The following ATG16L1 variants were observed in gnomAD, a reference collection of about 807,000 sequenced individuals.
The protein encoded by ATG16L1 is autophagy related 16 like 1.
A neutral mutation model predicts 88.5 loss-of-function variants in ATG16L1; 37 were observed. That is an observed-to-expected ratio of 0.42 (90% CI 0.32 to 0.55). The LOEUF (loss-of-function observed/expected upper bound fraction) is 0.55, where lower values mean the gene tolerates loss of function less well. ATG16L1 is among the 20% of genes least tolerant of loss of function. The probability of loss-of-function intolerance (pLI) is 0.13; values close to 1 mark genes in which losing one functional copy is unlikely to be tolerated. For missense variants in ATG16L1, 554 were observed against 752.8 expected, an observed-to-expected ratio of 0.74 and a Z score of 3.09; for synonymous variants, 301 against 281.0, an observed-to-expected ratio of 1.07 and a Z score of -0.71.
rs548817522 is a variant in ATG16L1, at chr2:233,281,111, G to A, written c.1067G>A (p.Cys356Tyr). The A allele has an allele frequency of 3.1e-6, 5 of 1,594,214 alleles. No homozygotes were observed. Among genetic ancestry groups the A allele is most frequent in the African/African-American group, 2.7e-5 (2 of 73,844 alleles). ...VKLWEVFGEK[C>Y]EFKGSLSGSN... is the part of the protein sequence containing the mutation. ...ATTTTTTCTTTTTATACAGAAAAAT[G>A]TGAGTTCAAGGGTTCCCTATCTGGC... The change falls in exon 11 of 18, where the codon TGT becomes TAT. Residue 356 changes from cysteine (C) to tyrosine (Y), a missense_variant. By Grantham distance (194) the Cys-to-Tyr change is radical. This residue lies in a region of ATG16L1 where 370 missense variants were observed against 509.7 expected (regional missense o/e 0.73). Coordinates refer to ENST00000392017, the MANE Select transcript of ATG16L1 (RefSeq NM_030803.7).
intron 12 of ATG16L1, among the ~76,000 whole-genome samples, chr2:233,286,877 G>A (rs139896963): frequency 0.012 from 1,891 of 151,754 alleles, 16 homozygotes; most frequent in East Asian, 0.027. Flanking sequence ...CGCTCACCTC[G>A]GCCTCCCAAA....
intron 12 of ATG16L1, among the ~76,000 whole-genome samples, chr2:233,284,295 C>T (rs1399718409): frequency 1.3e-5 from 2 of 151,758 alleles, no homozygotes; most frequent in African/African-American, 2.4e-5. Flanking sequence ...TTACATGCAT[C>T]CTCCACCACG....
At chr2:233,275,127 G>T (rs192436841) in intron 9 of ATG16L1, among the ~76,000 whole-genome samples, 51 of 152,278 alleles carry the variant, frequency 3.3e-4, no homozygotes, top group African/African-American at 9.9e-4. Context: ...CCAGTCAGTG[G>T]TGTATTATGG....
At position 233,294,642 on chromosome 2, in the gene ATG16L1, G is replaced by T. The variant is rs1471347668; in HGVS notation, c.*292G>T. On this transcript the variant is annotated 3_prime_UTR_variant, in exon 18 of 18. Coordinates refer to ENST00000392017, the MANE Select transcript of ATG16L1 (RefSeq NM_030803.7). ...GCTCTGACCTTCCATACCTCACTTG[G>T]GGGAGCACAGGGCCCCGCTGGGCCT... The T allele has an allele frequency of 4.1e-6, 1 of 242,496 alleles. No homozygotes were observed. The highest frequency in any genetic ancestry group is 9.5e-5 in the South Asian group (1 of 10,540). The allele number at this position is 242,496 out of a possible 1,614,324, so 15.0% of individuals were successfully genotyped here. A position where few individuals can be genotyped will look rare whatever the true frequency, so the allele number is the denominator to read the frequency against.
At chr2:233,289,079 C>G (rs1574902715) in intron 12 of ATG16L1, 3 of 353,980 alleles carry the variant, frequency 8.5e-6, no homozygotes, top group East Asian at 6.6e-5. Context: ...GGCGCAACAT[C>G]GAGGCTTTAA....
At chr2:233,263,431 G>T (rs1178135785) in intron 3 of ATG16L1, among the ~76,000 whole-genome samples, 196 bp downstream of exon 3, 1 of 152,148 alleles carries the variant, frequency 6.6e-6, no homozygotes, top group Non-Finnish European at 1.5e-5. Flanking sequence ...ATCACCAGAA[G>T]GGCAATCCTG....
At chr2:233,282,643 T>G in intron 11 of ATG16L1, 39 bp from the exon 12 acceptor site, 3 of 1,560,688 alleles carry the variant, frequency 1.9e-6, no homozygotes, top group Non-Finnish European at 2.7e-6. Context: ...TTCCTCTGAT[T>G]TGGCTAAAAA....
Position 233,273,050 on chromosome 2 carries a change from C to G in ATG16L1, c.792C>G (p.Ala264=), listed in dbSNP as rs775841675. Residue 264 remains alanine, a splice_region_variant and synonymous_variant, in exon 7 of 18, where the codon GCC becomes GCG. Coordinates refer to ENST00000392017, the MANE Select transcript of ATG16L1 (RefSeq NM_030803.7). ...CTGTGCGAGCCATCAGCAGAGCAGCCACGTAAGTAGGCAGGTTTGGGCCAG... is the reference window on the plus strand; with the variant it reads ...CTGTGCGAGCCATCAGCAGAGCAGCGACGTAAGTAGGCAGGTTTGGGCCAG... ...TSPVRAISRA[A]TKRLSQPAGG... is the part of the protein sequence containing the mutation. The G allele has an allele frequency of 6.8e-6, 11 of 1,613,800 alleles. No individual in the cohort carries two copies. The South Asian group carries it at 1.2e-4, about 18-fold the overall frequency.
At chr2:233,291,020 T>TAAGGAC (rs771622257) in intron 14 of ATG16L1, among the ~76,000 whole-genome samples, 144 of 152,276 alleles carry the variant, frequency 9.5e-4, no homozygotes, top group Non-Finnish European at 1.1e-3. Flanking sequence ...ATAGAGTTGA[T>TAAGGAC]AAGGACCTAA....
At chr2:233,289,408 T>TGTGTGTGTGTGTGTGTGTGTGAGAGAGA (rs144316394) in intron 12 of ATG16L1, among the ~76,000 whole-genome samples, 252 of 149,632 alleles carry the variant, frequency 1.7e-3, no homozygotes, top group Non-Finnish European at 2.2e-3. Flanking sequence ...TGTGTGTGTG[T>TGTGTGTGTGTGTGTGTGTGTGAGAGAGA]GACAGGATCT....
chr2:233,288,889 G>A (rs755620458), intron 12 of ATG16L1: 3 of 519,272 alleles, frequency 5.8e-6, no homozygotes, highest in Non-Finnish European at 1.2e-5. Flanking sequence ...GGATTTGATT[G>A]TTGGGAGTGC....
At chr2:233,278,930 T>A (rs1375058637) in intron 10 of ATG16L1, among the ~76,000 whole-genome samples, 1 of 152,208 alleles carries the variant, frequency 6.6e-6, no homozygotes, top group African/African-American at 2.4e-5. Flanking sequence ...AAATTTTCAC[T>A]TTGTGAGGCT....
At chr2:233,285,255 C>T (rs1238538564) in intron 12 of ATG16L1, among the ~76,000 whole-genome samples, 2 of 150,432 alleles carry the variant, frequency 1.3e-5, no homozygotes, top group African/African-American at 2.5e-5. Context: ...GAAGAGGGGC[C>T]TACAGCCTTT....
intron 10 of ATG16L1, among the ~76,000 whole-genome samples, chr2:233,279,797 T>A (rs1698606417): frequency 6.6e-6 from 1 of 152,164 alleles, no homozygotes; most frequent in African/African-American, 2.4e-5. Flanking sequence ...AGAGTTTTAA[T>A]ACGGTCTTTG....
intron 1 of ATG16L1, among the ~76,000 whole-genome samples, chr2:233,254,590 C>G (rs1053999437): frequency 6.6e-6 from 1 of 152,174 alleles, no homozygotes; most frequent in Non-Finnish European, 1.5e-5. Context: ...GGGAAGGACT[C>G]CTTTTGAACG....
At chr2:233,268,966 GC>G (rs1246790305) in intron 5 of ATG16L1, among the ~76,000 whole-genome samples, 9 of 152,190 alleles carry the variant, frequency 5.9e-5, no homozygotes, top group Admixed American at 2.0e-4. Flanking sequence ...CCTCCACCTA[GC>G]AGGCATAGCC....
At chr2:233,283,796 C>G (rs1265452671) in intron 12 of ATG16L1, among the ~76,000 whole-genome samples, 1 of 152,008 alleles carries the variant, frequency 6.6e-6, no homozygotes, top group African/African-American at 2.4e-5. Flanking sequence ...CTTGGCCTCC[C>G]AAAGTGCTGG....
At chr2:233,284,308 C>T (rs533299471) in intron 12 of ATG16L1, among the ~76,000 whole-genome samples, 10 of 151,562 alleles carry the variant, frequency 6.6e-5, no homozygotes, top group South Asian at 2.1e-4. Flanking sequence ...CCACCACGCC[C>T]GGCTAATTTT....
chr2:233,256,071 A>G, intron 1 of ATG16L1, 31 bp from the exon 2 acceptor site: 1 of 1,566,848 alleles, frequency 6.4e-7, no homozygotes, highest in Non-Finnish European at 8.8e-7. Context: ...TGTAATAAAT[A>G]ACTTAGTTTC....
Sources: allele counts gnomAD v4.1 joint callset (sites outside exome capture counted in the v4.1 genomes callset), GRCh38; gene constraint gnomAD v4.1.1; regional missense constraint gnomAD v4.1.1; transcripts MANE v1.5; gene names NCBI Gene and HGNC (gene_info 2026-07-23, HGNC 2026-07-21).